The following USP48 variants were observed in gnomAD, a reference collection of about 807,000 sequenced individuals.
USP48 encodes ubiquitin carboxyl-terminal hydrolase 48.
Under a neutral mutation model 150.7 loss-of-function variants are expected in USP48, and 43 were observed. The observed-to-expected ratio is 0.29, with a 90% CI of 0.22 to 0.37. The LOEUF is 0.37. Among genes scored for constraint, USP48 ranks in the 10% least tolerant of loss-of-function variants. USP48 has a pLI of 1.00. For synonymous variants in USP48, 396 were observed against 425.9 expected (o/e 0.93, Z 0.86); for missense variants, 813 against 1,249.6 (o/e 0.65, Z 5.27).
chr1:21,752,852 G>T, intron 4 of USP48, 140 bp downstream of exon 4: 2 of 1,251,702 alleles, frequency 1.6e-6, no homozygotes, highest in Non-Finnish European at 2.1e-6. Flanking sequence ...TAAACTATTG[G>T]ACAGTAAATA....
intron 13 of USP48, among the ~76,000 whole-genome samples, chr1:21,721,394 A>G (rs1423500081): frequency 6.6e-6 from 1 of 152,170 alleles, no homozygotes; most frequent in Non-Finnish European, 1.5e-5. Flanking sequence ...TGCTTTTCCT[A>G]CCTTCAAGCC....
At position 21,753,004 on chromosome 1, in the gene USP48, A is replaced by C. The variant is rs1408281234; in HGVS notation, c.528T>G (p.Thr176=). The C allele has an allele frequency of 4.4e-6, 7 of 1,592,270 alleles. No individual in the cohort carries two copies. The highest frequency in any genetic ancestry group is 6.0e-6 in the Non-Finnish European group (7 of 1,174,920). The change falls in exon 4 of 27, where the codon ACT becomes ACG. Residue 176 remains threonine, a synonymous_variant. Transcript: ENST00000308271. ...SGFVKALGLD[T]GQQQDAQEFS... Reference sequence around the variant, plus strand: ...ATTCAGTTCTTACCTGCTGTTGTCCAGTGTCCAGGCCCAAGGCTTTAACAA... The same window carrying C: ...ATTCAGTTCTTACCTGCTGTTGTCCCGTGTCCAGGCCCAAGGCTTTAACAA...
intron 21 of USP48, among the ~76,000 whole-genome samples, chr1:21,702,685 T>C (rs140715410): frequency 4.5e-4 from 68 of 152,300 alleles, no homozygotes; most frequent in South Asian, 1.5e-3. Flanking sequence ...AACCTGATAG[T>C]GTATGGTCGT....
At chr1:21,768,625 G>T (rs1053757957) in intron 1 of USP48, 1 of 152,030 alleles carries the variant, frequency 6.6e-6, no homozygotes, top group African/African-American at 2.4e-5. Context: ...ATTCCCAGAA[G>T]CAAATCTAAG....
intron 7 of USP48, among the ~76,000 whole-genome samples, chr1:21,747,668 G>T: frequency 6.6e-6 from 1 of 152,224 alleles, no homozygotes; most frequent in East Asian, 1.9e-4. Context: ...CGCCTCCTGG[G>T]TTCAAGTGAT....
chr1:21,745,182 T>C (rs988078773), intron 8 of USP48, among the ~76,000 whole-genome samples: 1 of 152,168 alleles, frequency 6.6e-6, no homozygotes, highest in Non-Finnish European at 1.5e-5. Flanking sequence ...CTATATAAGG[T>C]ACAGCAAGCA....
At chr1:21,757,236 C>T (rs1336940398) in intron 2 of USP48, among the ~76,000 whole-genome samples, 1 of 151,862 alleles carries the variant, frequency 6.6e-6, no homozygotes, top group African/African-American at 2.4e-5. Context: ...TTGGATATTT[C>T]GTGAATGCTA....
intron 25 of USP48, among the ~76,000 whole-genome samples, chr1:21,681,820 A>ATGTG (rs1328034650): frequency 6.6e-6 from 1 of 152,060 alleles, no homozygotes; most frequent in African/African-American, 2.4e-5. Context: ...TGAATTACTG[A>ATGTG]TGTGTTTCAT....
rs371062651 is a variant in USP48 at position 21,678,443 on chromosome 1, C to A, written c.*974G>T. 6.6e-6 allele frequency: 1 copy of A among 151,992 alleles called. No homozygotes were observed. The highest frequency in any genetic ancestry group is 1.9e-4 in the East Asian group (1 of 5,178). The allele number at this position is 151,992 out of a possible 1,614,324, so 9.4% of individuals were successfully genotyped here. On this transcript the variant is annotated 3_prime_UTR_variant, in exon 27 of 27. Coordinates refer to ENST00000308271, the MANE Select transcript of USP48 (RefSeq NM_032236.8). ...CCATATACTTTTTTCCTTTTTTAAA[C>A]AATGATCTAAGAGACCCTCTCAGGG...
chr1:21,783,019 C>A lies in USP48; in HGVS notation c.-62G>T. ...CCGCAGCCGCCGCCGCGGTCTGCAC[C>A]GCCGCCCCAATGGGCTTCGCCACCT... On this transcript the variant is annotated 5_prime_UTR_variant, in exon 1 of 27. Transcript: ENST00000308271. 6.9e-7 allele frequency: 1 copy of A among 1,443,830 alleles called. No homozygotes were observed. The highest frequency in any genetic ancestry group is 9.0e-7 in the Non-Finnish European group (1 of 1,109,448). The allele number at this position is 1,443,830 out of a possible 1,614,324, so 89.4% of individuals were successfully genotyped here. A position where few individuals can be genotyped will look rare whatever the true frequency, so the allele number is the denominator to read the frequency against.
intron 15 of USP48, among the ~76,000 whole-genome samples, chr1:21,713,039 C>A (rs2097694518): frequency 6.6e-6 from 1 of 152,006 alleles, no homozygotes; most frequent in Non-Finnish European, 1.5e-5. Flanking sequence ...TTCCTCTCTC[C>A]CTCACTCCCT....
rs1362661770 is a variant in USP48 at position 21,701,572 on chromosome 1, C to A, written c.2653G>T (p.Val885Leu). The change falls in exon 22 of 27, where the codon GTG becomes TTG. Residue 885 changes from valine (V) to leucine (L), a missense_variant. Physicochemically the swap from Val to Leu is conservative, Grantham distance 32. Transcript: ENST00000308271. ...VMKDSAPELN[V>L]SSSETEEDKE... ...TCCTCCTCTGTTTCAGAACTACTCA[C>A]ATTCAGTTCCGGAGCCGAATCCTTC... is the stretch of plus-strand genomic sequence containing the variant. 1 of 1,613,770 alleles carries A rather than the reference C, an allele frequency of 6.2e-7. No homozygotes were observed. Among genetic ancestry groups the A allele is most frequent in the Non-Finnish European group, 8.5e-7 (1 of 1,179,882 alleles).
chr1:21,778,412 A>AT (rs1245439405), intron 1 of USP48, among the ~76,000 whole-genome samples: 2 of 152,038 alleles, frequency 1.3e-5, no homozygotes, highest in Non-Finnish European at 2.9e-5. Flanking sequence ...TGGAATCCTC[A>AT]TATACTGCTT....
chr1:21,680,243 G>A (rs1176448775), intron 26 of USP48, among the ~76,000 whole-genome samples: 2 of 152,226 alleles, frequency 1.3e-5, no homozygotes, highest in Non-Finnish European at 2.9e-5. Flanking sequence ...AGGAAAATCC[G>A]AAAACGTCAG....
chr1:21,735,883 C>T (rs1259600847), intron 9 of USP48, among the ~76,000 whole-genome samples: 3 of 55,098 alleles, frequency 5.4e-5, no homozygotes, highest in East Asian at 5.0e-4. Flanking sequence ...GCAACAAGAG[C>T]GGAAAAAAAA....
intron 1 of USP48, among the ~76,000 whole-genome samples, chr1:21,768,008 C>T (rs34765147): frequency 0.042 from 6,366 of 152,082 alleles, 205 homozygotes; most frequent in Non-Finnish European, 0.057. Flanking sequence ...GAGATCGAGA[C>T]CATCCTGGCT....
At chr1:21,724,586 A>G (rs751900529) in intron 11 of USP48, 32 of 165,240 alleles carry the variant, frequency 1.9e-4, no homozygotes, top group Non-Finnish European at 3.3e-4. Context: ...CTCACCGACT[A>G]TGACCACACT....
chr1:21,769,656 C>T (rs1197846795), intron 1 of USP48, among the ~76,000 whole-genome samples: 1 of 152,158 alleles, frequency 6.6e-6, no homozygotes, highest in African/African-American at 2.4e-5. Flanking sequence ...AAGTGTCCAC[C>T]TACCTCAGCC....
chr1:21,773,785 G>C (rs998806208), intron 1 of USP48, among the ~76,000 whole-genome samples: 1 of 152,026 alleles, frequency 6.6e-6, no homozygotes, highest in Admixed American at 6.6e-5. Flanking sequence ...AGGGCAGCAC[G>C]GGTTGTATTA....
Sources: gnomAD v4.1 joint callset for allele counts (sites outside exome capture counted in the v4.1 genomes callset) on GRCh38, gnomAD v4.1.1 for gene constraint, MANE v1.5 for transcripts, NCBI Gene and HGNC (gene_info 2026-07-23, HGNC 2026-07-21) for gene names.